DSC1: variants seen among roughly 807,000 people sequenced by gnomAD.
DSC1 encodes the protein desmocollin 1, also known as desmocollin-1.
A neutral mutation model predicts 98.8 loss-of-function variants in DSC1; 79 were observed. The ratio of observed to expected loss-of-function variants is 0.80; its 90% CI spans 0.67 to 0.96. DSC1 has a LOEUF of 0.96. DSC1 is among the 50% of genes least tolerant of loss of function. DSC1 has a pLI of 0.00. For synonymous variants in DSC1, 405 were observed against 372.1 expected (o/e 1.09, Z -1.02); for missense variants, 1,115 against 1,075.9 (o/e 1.04, Z -0.51).
chr18:31,154,450 T>G (rs551038976), intron 5 of DSC1, among the ~76,000 whole-genome samples: 3 of 152,080 alleles, frequency 2.0e-5, no homozygotes, highest in Admixed American at 6.5e-5. Context: ...TGTACAGCCA[T>G]GGTTGAGAAT....
At chr18:31,138,479 G>A (rs1988658393) in intron 11 of DSC1, among the ~76,000 whole-genome samples, 1 of 151,874 alleles carries the variant, frequency 6.6e-6, no homozygotes, top group African/African-American at 2.4e-5. Flanking sequence ...TAATTTCCAT[G>A]TCAGCTTGTC....
intron 12 of DSC1, 38 bp downstream of exon 12, chr18:31,134,534 A>G: frequency 6.8e-7 from 1 of 1,469,924 alleles, no homozygotes; most frequent in African/African-American, 1.4e-5. Context: ...ACCAATCTGA[A>G]GTCCGTATTG....
rs369709593 is a variant in DSC1 at position 31,145,628 on chromosome 18, G to A, written c.922C>T (p.Pro308Ser). 5.6e-6 allele frequency: 9 copies of A among 1,614,038 alleles called. No homozygotes were observed. In the African/African-American group the frequency reaches 1.1e-4, roughly 19 times the overall value. ...ATCATTACTTCTCTATCCAGAAAAG[G>A]TGTAGTTGTGGTGATGACACCGGTA... ...PDTGVITTTT[P>S]FLDREKCDTY... Residue 308 changes from proline to serine, a missense_variant, in exon 7 of 16, where the codon CCT becomes TCT. Coordinates refer to ENST00000257198, the MANE Select transcript of DSC1 (RefSeq NM_024421.2).
chr18:31,153,700 G>C (rs184299524), intron 5 of DSC1, among the ~76,000 whole-genome samples: 1 of 152,092 alleles, frequency 6.6e-6, no homozygotes, highest in African/African-American at 2.4e-5. Context: ...TTACTTACTA[G>C]CTTCATATTT....
At position 31,156,181 on chromosome 18, in the gene DSC1, AAAGAAATGTAGC is replaced by A; in HGVS notation, c.352-31_352-20del. On this transcript the variant is annotated intron_variant, in intron 3 of 15. Coordinates refer to ENST00000257198, the MANE Select transcript of DSC1 (RefSeq NM_024421.2). ...TAGGAGACTACATTTGACAAGAAAC[AAAGAAATGTAGC>A]ATTGCTTATCATTTTTTGGAACTGT... is the stretch of plus-strand genomic sequence containing the variant. 6.3e-7 allele frequency: 1 copy of A among 1,596,606 alleles called. No homozygotes were observed.
intron 7 of DSC1, among the ~76,000 whole-genome samples, chr18:31,144,635 A>C (rs1988803792): frequency 6.6e-6 from 1 of 152,172 alleles, no homozygotes; most frequent in South Asian, 2.1e-4. Flanking sequence ...AGCACTACAG[A>C]AGCAAAATAA....
chr18:31,139,464 T>C (rs999557295), intron 11 of DSC1, among the ~76,000 whole-genome samples: 2 of 152,264 alleles, frequency 1.3e-5, no homozygotes, highest in Admixed American at 1.3e-4. Flanking sequence ...ATTAATAATA[T>C]ATAGATCATC....
intron 10 of DSC1, 23 bp from the exon 11 acceptor site, chr18:31,139,913 G>T (rs748036668): frequency 6.3e-7 from 1 of 1,585,092 alleles, no homozygotes; most frequent in South Asian, 1.2e-5. Flanking sequence ...AATCAAATAT[G>T]AACGGTCAAA....
chr18:31,152,108 G>A (rs911224719), intron 5 of DSC1, among the ~76,000 whole-genome samples: 2 of 151,968 alleles, frequency 1.3e-5, no homozygotes, highest in Non-Finnish European at 1.5e-5. Flanking sequence ...GTTGCAGTGA[G>A]CCGAGATCGG....
chr18:31,150,971 T>G (rs1173332759), intron 5 of DSC1: 2 of 152,204 alleles, frequency 1.3e-5, no homozygotes, highest in Non-Finnish European at 2.9e-5. Flanking sequence ...TCAGTTATCC[T>G]TCTGTAAAAA....
rs1185622132 is a variant in DSC1, at chr18:31,159,547, A to AG, written c.64-19_64-18insC. 6.4e-6 allele frequency: 10 copies of AG among 1,555,146 alleles called. No individual in the cohort carries two copies. The Admixed American group carries it at 7.8e-5, about 12-fold the overall frequency. ...GTTAAAACCTCAAAAAAAAAAAAAG[A>AG]AAAAATATCAGGAATTAAATTTGAT... On this transcript the variant is annotated intron_variant, in intron 1 of 15. Transcript: ENST00000257198.
intron 15 of DSC1, 114 bp from the exon 16 acceptor site, chr18:31,130,825 C>T: frequency 6.2e-7 from 1 of 1,611,788 alleles, no homozygotes; most frequent in Non-Finnish European, 8.5e-7. Context: ...CAGAGTGTGT[C>T]CTCTAATGGA....
At chr18:31,154,534 A>T (rs190349818) in intron 5 of DSC1, among the ~76,000 whole-genome samples, 7 of 152,248 alleles carry the variant, frequency 4.6e-5, no homozygotes, top group Admixed American at 1.3e-4. Flanking sequence ...TTACAGACCA[A>T]AATATATCCT....
At chr18:31,156,956 C>A (rs934152697) in intron 3 of DSC1, among the ~76,000 whole-genome samples, 13 of 152,154 alleles carry the variant, frequency 8.5e-5, no homozygotes, top group Non-Finnish European at 4.4e-5. Context: ...TAAACAGTCT[C>A]TTCTCCTCTT....
chr18:31,150,275 ACC>A (rs1333578390), intron 5 of DSC1, among the ~76,000 whole-genome samples: 2 of 137,446 alleles, frequency 1.5e-5, no homozygotes, highest in South Asian at 2.5e-4. Flanking sequence ...CATCACCACT[ACC>A]ATCACCACCA....
At chr18:31,142,586 GCTT>G (rs1988760159) in intron 8 of DSC1, among the ~76,000 whole-genome samples, 1 of 152,214 alleles carries the variant, frequency 6.6e-6, no homozygotes, top group Admixed American at 6.5e-5. Context: ...ACGTATGTTG[GCTT>G]CTTATTTCTG....
chr18:31,149,662 C>T (rs1020361780), intron 5 of DSC1, among the ~76,000 whole-genome samples: 8 of 152,120 alleles, frequency 5.3e-5, no homozygotes, highest in African/African-American at 1.7e-4. Flanking sequence ...ATTTTAACCA[C>T]GATACTCACT....
In DSC1 at chr18:31,142,000, T is replaced by C; in HGVS notation, c.1259A>G (p.Lys420Arg). 1.3e-6 allele frequency: 2 copies of C among 1,596,504 alleles called. No individual in the cohort carries two copies. The highest frequency in any genetic ancestry group is 1.7e-6 in the Non-Finnish European group (2 of 1,175,734). The change falls in exon 9 of 16, where the codon AAG becomes AGG. Residue 420 changes from lysine (K) to arginine (R), a missense_variant and splice_region_variant. Physicochemically the swap from Lys to Arg is conservative, Grantham distance 26. Coordinates refer to ENST00000257198, the MANE Select transcript of DSC1 (RefSeq NM_024421.2). The stretch of plus-strand genomic sequence containing the variant: ...AGCCTGATTATTTTATTTGTTTACC[T>C]TGACAACACACAGCACTCCTTCATT... ...NTNEGVLCVV[K>R]PLNYEVNRQV...
chr18:31,135,494 A>G (rs1243516110), intron 11 of DSC1, among the ~76,000 whole-genome samples: 1 of 152,186 alleles, frequency 6.6e-6, no homozygotes, highest in Non-Finnish European at 1.5e-5. Context: ...CCAGCTAACT[A>G]TAACTTAATA....
Sources: gnomAD v4.1 joint callset for allele counts (sites outside exome capture counted in the v4.1 genomes callset) on GRCh38, gnomAD v4.1.1 for gene constraint, MANE v1.5 for transcripts, NCBI Gene and HGNC (gene_info 2026-07-23, HGNC 2026-07-21) for gene names.